Variants in HEATR3 observed in about 807,000 individuals in gnomAD.
The protein encoded by HEATR3 is HEAT repeat-containing protein 3.
Under a neutral mutation model 72.8 loss-of-function variants are expected in HEATR3, and 56 were observed. That is an observed-to-expected ratio of 0.77 (90% CI 0.62 to 0.96). The LOEUF (loss-of-function observed/expected upper bound fraction) is 0.96. Ranked by LOEUF, HEATR3 falls within the 40% of genes least tolerant of loss-of-function variation. The probability of loss-of-function intolerance (pLI) is 0.00; values close to 1 mark genes in which losing one functional copy is unlikely to be tolerated. For synonymous variants in HEATR3, 331 were observed against 318.1 expected, an observed-to-expected ratio of 1.04 and a Z score of -0.43; for missense variants, 747 against 831.4, an observed-to-expected ratio of 0.90 and a Z score of 1.25.
At chr16:50,093,438 C>T (rs2037163749) in intron 11 of HEATR3, among the ~76,000 whole-genome samples, 1 of 152,180 alleles carries the variant, frequency 6.6e-6, no homozygotes, top group Non-Finnish European at 1.5e-5. Flanking sequence ...CTTATCCCCT[C>T]CCACCTCCCA....
chr16:50,079,207 T>G lies in HEATR3; in HGVS notation c.1041+189T>G, dbSNP rs1183129035. On this transcript the variant is annotated intron_variant, in intron 7 of 14. Transcript: ENST00000299192. ...AATCTCCTAAAGGGGGAAAAAAATC[T>G]CTTGTCTAAAGTGAATCGTTTTATA... 2.0e-5 allele frequency among the ~76,000 whole-genome samples: 3 copies of G among 152,214 alleles called. No individual in the cohort carries two copies. The East Asian group carries it at 5.8e-4, about 29-fold the overall frequency.
At chr16:50,071,021 T>C (rs1340267769) in intron 4 of HEATR3, among the ~76,000 whole-genome samples, 1 of 152,162 alleles carries the variant, frequency 6.6e-6, no homozygotes, top group Non-Finnish European at 1.5e-5. Context: ...TTCCTGGCAC[T>C]TACTGTCTGA....
rs2037485130 is a variant in HEATR3 at position 50,106,271 on chromosome 16, A to G, written c.*1210A>G. 1 of 152,136 alleles carries G rather than the reference A, an allele frequency of 6.6e-6. No individual in the cohort carries two copies. Among genetic ancestry groups the G allele is most frequent in the African/African-American group, 2.4e-5 (1 of 41,434 alleles). The allele number at this position is 152,136 out of a possible 1,614,324, so 9.4% of individuals were successfully genotyped here. A position where few individuals can be genotyped will look rare whatever the true frequency, so the allele number is the denominator to read the frequency against. ...CTAATGAGCTAATGGGGTCATTGCC[A>G]TCCTCCCTACTCATGACTTTGATGA... is the stretch of plus-strand genomic sequence containing the variant. On this transcript the variant is annotated 3_prime_UTR_variant, in exon 15 of 15. Coordinates refer to ENST00000299192, the MANE Select transcript of HEATR3 (RefSeq NM_182922.4).
intron 12 of HEATR3, among the ~76,000 whole-genome samples, chr16:50,098,523 GC>G (rs2037296205): frequency 6.6e-6 from 1 of 152,080 alleles, no homozygotes; most frequent in African/African-American, 2.4e-5. Context: ...GGGTGTGGTG[GC>G]GGGTGCCTGT....
chr16:50,084,174 T>A lies in HEATR3; in HGVS notation c.1173T>A (p.Asp391Glu). 6.2e-7 allele frequency: 1 copy of A among 1,614,190 alleles called. No homozygotes were observed. Among genetic ancestry groups the A allele is most frequent in the Non-Finnish European group, 8.5e-7 (1 of 1,180,034 alleles). Residue 391 changes from aspartate to glutamate, a missense_variant, in exon 9 of 15, where the codon GAT (aspartate) becomes GAA (glutamate). This residue lies in a region of HEATR3 where 586 missense variants were observed against 708.8 expected (regional missense o/e 0.83). Transcript: ENST00000299192. Reference sequence around the variant, plus strand: ...AATGGGAAGAGCTTTCTAGCAGTGATGAAAGTGACGCATTTATGGAGAATT... The same window carrying A: ...AATGGGAAGAGCTTTCTAGCAGTGAAGAAAGTGACGCATTTATGGAGAATT... ...DDEWEELSSSDESDAFMENSF... is the reference protein window; with the variant it reads ...DDEWEELSSSEESDAFMENSF...
chr16:50,085,986 C>T (rs572245778), intron 10 of HEATR3, among the ~76,000 whole-genome samples: 15 of 150,436 alleles, frequency 1.0e-4, no homozygotes, highest in South Asian at 2.1e-4. Context: ...TGTGATCACA[C>T]CACTGCACTC....
intron 14 of HEATR3, among the ~76,000 whole-genome samples, chr16:50,102,889 A>C (rs1179494920): frequency 3.3e-5 from 5 of 151,994 alleles, no homozygotes. Flanking sequence ...CAGCCTCCCA[A>C]GTAGCTGGGA....
intron 14 of HEATR3, 105 bp from the exon 15 acceptor site, chr16:50,104,834 A>T: frequency 9.6e-7 from 1 of 1,037,910 alleles, no homozygotes; most frequent in Non-Finnish European, 1.3e-6. Flanking sequence ...TCTTACAGCT[A>T]TCTGCTTCAG....
intron 7 of HEATR3, among the ~76,000 whole-genome samples, chr16:50,081,565 A>T (rs2150606765): frequency 6.6e-6 from 1 of 152,344 alleles, no homozygotes; most frequent in South Asian, 2.1e-4. Context: ...AGTGTTCTTA[A>T]CATAACTGAC....
At chr16:50,079,106 T>C in intron 7 of HEATR3, 88 bp downstream of exon 7, 16 of 1,285,008 alleles carry the variant, frequency 1.2e-5, no homozygotes, top group Non-Finnish European at 1.6e-5. Context: ...AAAAATGTTA[T>C]AGCAAAATTA....
At chr16:50,068,665 T>A in intron 2 of HEATR3, 115 bp from the exon 3 acceptor site, 1 of 770,958 alleles carries the variant, frequency 1.3e-6, no homozygotes, top group East Asian at 2.5e-5. Context: ...ACAGAAACAA[T>A]AAGCTATTTC....
intron 11 of HEATR3, among the ~76,000 whole-genome samples, chr16:50,087,827 T>C (rs1330437671): frequency 6.6e-6 from 1 of 152,176 alleles, no homozygotes; most frequent in African/African-American, 2.4e-5. Flanking sequence ...GTCCAAGAAT[T>C]GAACTCTTAA....
At chr16:50,099,723 C>T (rs972170724) in intron 12 of HEATR3, among the ~76,000 whole-genome samples, 2 of 152,162 alleles carry the variant, frequency 1.3e-5, no homozygotes, top group Non-Finnish European at 2.9e-5. Context: ...AGATTGCAGG[C>T]GTGAGCCACC....
At chr16:50,076,928 C>T (rs1185388797) in intron 6 of HEATR3, among the ~76,000 whole-genome samples, 5 of 141,068 alleles carry the variant, frequency 3.5e-5, no homozygotes, top group South Asian at 2.2e-4. Flanking sequence ...GAGTGCGTGG[C>T]GCGATCTCCA....
chr16:50,100,130 C>T, intron 12 of HEATR3, 100 bp from the exon 13 acceptor site: 5 of 1,133,260 alleles, frequency 4.4e-6, no homozygotes, highest in Admixed American at 2.5e-5. Flanking sequence ...TCTTAAAATC[C>T]TGTAGCCTAT....
chr16:50,072,433 C>T lies in HEATR3; in HGVS notation c.513-172C>T, dbSNP rs140356209. Among the ~76,000 whole-genome samples the T allele has an allele frequency of 2.3e-4, 35 of 152,342 alleles. No individual in the cohort carries two copies. The East Asian group carries it at 6.7e-3, about 29-fold the overall frequency. ...AAATAAAATATAGATAGCCAGTTCTCATGTACAGTGAATGTGAATGGGTGT... is the reference window on the plus strand; with the variant it reads ...AAATAAAATATAGATAGCCAGTTCTTATGTACAGTGAATGTGAATGGGTGT... On this transcript the variant is annotated intron_variant, in intron 4 of 14. Transcript: ENST00000299192.
intron 10 of HEATR3, 95 bp downstream of exon 10, chr16:50,084,746 C>A: frequency 1.1e-6 from 1 of 896,562 alleles, no homozygotes; most frequent in Non-Finnish European, 1.7e-6. Context: ...CCCTAGGACC[C>A]AGAAGTTTTG....
At chr16:50,083,355 A>G (rs1233711936) in intron 7 of HEATR3, among the ~76,000 whole-genome samples, 1 of 150,682 alleles carries the variant, frequency 6.6e-6, no homozygotes, top group South Asian at 2.1e-4. Flanking sequence ...ATTTTCAGAG[A>G]AAAAAAAAGC....
At chr16:50,093,550 C>T (rs1200203871) in intron 11 of HEATR3, among the ~76,000 whole-genome samples, 1 of 152,144 alleles carries the variant, frequency 6.6e-6, no homozygotes, top group African/African-American at 2.4e-5. Flanking sequence ...CCTTCACATC[C>T]TACGGTGCCC....
Sources: gnomAD v4.1 joint callset for allele counts (sites outside exome capture counted in the v4.1 genomes callset) on GRCh38, gnomAD v4.1.1 for gene constraint, gnomAD v4.1.1 regional missense constraint, MANE v1.5 for transcripts, NCBI Gene and HGNC (gene_info 2026-07-23, HGNC 2026-07-21) for gene names.